The following GALNS variants were observed in gnomAD, a reference collection of about 807,000 sequenced individuals.
The protein encoded by GALNS is galactosamine (N-acetyl)-6-sulfatase.
A neutral mutation model predicts 65.9 loss-of-function variants in GALNS; 65 were observed. The ratio of observed to expected loss-of-function variants is 0.99; its 90% CI spans 0.81 to 1.21. The LOEUF (loss-of-function observed/expected upper bound fraction) is 1.21. Ranked by LOEUF, GALNS falls within the 50% of genes most tolerant of loss-of-function variation. The pLI is 0.00. For missense variants in GALNS, 776 were observed against 700.7 expected (o/e 1.11, Z -1.21); for synonymous variants, 346 against 288.9 (o/e 1.20, Z -2.00).
chr16:88,816,891 T>G lies in GALNS; in HGVS notation c.1482+1116A>C, dbSNP rs1014643106. On this transcript the variant is annotated intron_variant, in intron 13 of 13. Transcript: ENST00000268695. ...TCCTGCGCGGCAGATCCAGGGGCTG[T>G]GGGCAGCCACGCCCAGCCCGTGTAA... 6 of 985,266 alleles carry G rather than the reference T, an allele frequency of 6.1e-6. No homozygotes were observed. The African/African-American group carries it at 1.0e-4, about 17-fold the overall frequency. 61.0% of individuals were successfully genotyped at this position (985,266 alleles called of 1,614,324 possible).
At chr16:88,833,454 C>CCTTTTTTTTTTTTT in intron 8 of GALNS, among the ~76,000 whole-genome samples, 1 of 141,168 alleles carries the variant, frequency 7.1e-6, no homozygotes. Flanking sequence ...CTCCCATCCC[C>CCTTTTTTTTTTTTT]TTTTTTTTTT....
chr16:88,816,009 G>A, intron 13 of GALNS: 2 of 985,404 alleles, frequency 2.0e-6, no homozygotes, highest in Non-Finnish European at 1.2e-6. Context: ...CAGGGAAGGG[G>A]TAAGGAGGGC....
At chr16:88,821,282 G>C (rs968984828) in intron 12 of GALNS, among the ~76,000 whole-genome samples, 1 of 152,038 alleles carries the variant, frequency 6.6e-6, no homozygotes, top group Non-Finnish European at 1.5e-5. Context: ...GCCGAGGCTG[G>C]TGGCGCTCTG....
In GALNS at chr16:88,842,122, G is replaced by A. The variant is rs1261889775; in HGVS notation, c.245-151C>T. On this transcript the variant is annotated intron_variant, in intron 2 of 13. Coordinates refer to ENST00000268695, the MANE Select transcript of GALNS (RefSeq NM_000512.5). ...CTGCCACGCCTGTCAATCCCCGTTAGCGTCTCCACCACCTGGGTGGGGCAC... is the reference window on the plus strand; with the variant it reads ...CTGCCACGCCTGTCAATCCCCGTTAACGTCTCCACCACCTGGGTGGGGCAC... 47 of 742,892 alleles carry A rather than the reference G, an allele frequency of 6.3e-5. No homozygotes were observed. In the East Asian group the frequency reaches 1.3e-3, roughly 20 times the overall value. 46.0% of individuals were successfully genotyped at this position (742,892 alleles called of 1,614,324 possible). A position where few individuals can be genotyped will look rare whatever the true frequency, so the allele number is the denominator to read the frequency against.
intron 1 of GALNS, chr16:88,855,345 A>C: frequency 1.4e-6 from 1 of 700,740 alleles, no homozygotes; most frequent in Non-Finnish European, 2.6e-6. Flanking sequence ...AATGAAAAGA[A>C]GAAATTCTGA....
intron 9 of GALNS, 42 bp from the exon 10 acceptor site, chr16:88,826,880 G>T: frequency 6.4e-7 from 1 of 1,552,148 alleles, no homozygotes; most frequent in South Asian, 1.2e-5. Flanking sequence ...ACTCTGCACC[G>T]ACCCGATGGG....
At chr16:88,840,246 G>A (rs1262548008) in intron 4 of GALNS, 2 of 153,544 alleles carry the variant, frequency 1.3e-5, no homozygotes, top group Non-Finnish European at 2.9e-5. Context: ...CTACATCCAA[G>A]GAGCATCCAT....
intron 1 of GALNS, among the ~76,000 whole-genome samples, chr16:88,854,897 T>C (rs1335127325): frequency 4.6e-5 from 7 of 152,232 alleles, no homozygotes; most frequent in Non-Finnish European, 7.3e-5. Flanking sequence ...TGGGGTTCTT[T>C]AGGCGTCAGC....
intron 10 of GALNS, 141 bp from the exon 11 acceptor site, chr16:88,825,010 G>GT: frequency 7.8e-6 from 6 of 768,444 alleles, no homozygotes; most frequent in Non-Finnish European, 1.3e-5. Flanking sequence ...TGATTGAAAA[G>GT]TAAAAAGGCC....
At chr16:88,836,011 C>G (rs1030599463) in intron 6 of GALNS, among the ~76,000 whole-genome samples, 162 bp from the exon 7 acceptor site, 1 of 150,410 alleles carries the variant, frequency 6.6e-6, no homozygotes, top group Non-Finnish European at 1.5e-5. Flanking sequence ...CCACGCGTCC[C>G]ACGGGGCGAG....
chr16:88,829,509 G>A (rs778753977), intron 9 of GALNS, among the ~76,000 whole-genome samples: 9 of 152,224 alleles, frequency 5.9e-5, no homozygotes, highest in Non-Finnish European at 1.2e-4. Flanking sequence ...TGGCCCAGGA[G>A]TCCCATGTCA....
At chr16:88,852,283 C>A (rs919192804) in intron 1 of GALNS, among the ~76,000 whole-genome samples, 1 of 152,316 alleles carries the variant, frequency 6.6e-6, no homozygotes, top group South Asian at 2.1e-4. Flanking sequence ...AGACCTGCAG[C>A]TGAGGGACCT....
In GALNS at chr16:88,816,211, T is replaced by C. The variant is rs893887263; in HGVS notation, c.1483-1686A>G. 91 of 985,434 alleles carry C rather than the reference T, an allele frequency of 9.2e-5. No individual in the cohort carries two copies. In the African/African-American group the frequency reaches 1.4e-3, roughly 15 times the overall value. The allele number at this position is 985,434 out of a possible 1,614,324, so 61.0% of individuals were successfully genotyped here. The stretch of plus-strand genomic sequence containing the variant: ...AGATGGCAGTGGCAGCCAGGCTGTG[T>C]GCGCCCACCTCCCCTGCCCTGTGCC... On this transcript the variant is annotated intron_variant, in intron 13 of 13. Coordinates refer to ENST00000268695, the MANE Select transcript of GALNS (RefSeq NM_000512.5).
chr16:88,816,272 G>A (rs1237578575), intron 13 of GALNS: 2 of 985,332 alleles, frequency 2.0e-6, no homozygotes, highest in Non-Finnish European at 2.4e-6. Flanking sequence ...TGCGCCCGTG[G>A]AGCCACTGCA....
intron 4 of GALNS, among the ~76,000 whole-genome samples, chr16:88,839,209 A>T (rs1267454211): frequency 2.0e-5 from 3 of 148,058 alleles, no homozygotes; most frequent in African/African-American, 7.5e-5. Context: ...CCACGTCCAC[A>T]GGTCACCGCC....
At chr16:88,825,312 G>A (rs1288944879) in intron 10 of GALNS, among the ~76,000 whole-genome samples, 1 of 122,856 alleles carries the variant, frequency 8.1e-6, no homozygotes, top group Non-Finnish European at 1.6e-5. Flanking sequence ...TGGCCGGGGC[G>A]ACTGGGTATC....
chr16:88,815,650 T>C (rs956715559), intron 13 of GALNS: 2 of 985,368 alleles, frequency 2.0e-6, no homozygotes, highest in African/African-American at 3.5e-5. Context: ...AGACGCCGCA[T>C]GGCCCTGAGG....
chr16:88,816,615 G>A (rs570685036), intron 13 of GALNS: 14 of 984,160 alleles, frequency 1.4e-5, no homozygotes, highest in Non-Finnish European at 1.7e-5. Context: ...AAGGCCATCT[G>A]CCCTCCATGG....
At chr16:88,854,843 G>A (rs1464910322) in intron 1 of GALNS, among the ~76,000 whole-genome samples, 1 of 152,252 alleles carries the variant, frequency 6.6e-6, no homozygotes, top group South Asian at 2.1e-4. Context: ...GTCTGCATCA[G>A]AAAGTCCTTA....
Sources: gnomAD v4.1 joint callset for allele counts (sites outside exome capture counted in the v4.1 genomes callset) on GRCh38, gnomAD v4.1.1 for gene constraint, MANE v1.5 for transcripts, NCBI Gene and HGNC (gene_info 2026-07-23, HGNC 2026-07-21) for gene names.